The following ZNF140 variants were observed in gnomAD, a reference collection of about 807,000 sequenced individuals.
The protein encoded by ZNF140 is zinc finger protein 140, also known as zinc finger protein 140 (clone pHZ-39).
In ZNF140, 13 loss-of-function variants were observed where a neutral mutation model predicts 12.9. The observed-to-expected ratio is 1.01, with a 90% CI of 0.66 to 1.60. The LOEUF (loss-of-function observed/expected upper bound fraction) is 1.60. Ranked by LOEUF, ZNF140 falls within the 40% of genes most tolerant of loss-of-function variation. The pLI is 0.00. For synonymous variants in ZNF140, 214 were observed against 186.7 expected, an observed-to-expected ratio of 1.15 and a Z score of -1.19; for missense variants, 531 against 548.8, an observed-to-expected ratio of 0.97 and a Z score of 0.32.
intron 4 of ZNF140, among the ~76,000 whole-genome samples, chr12:133,089,678 A>G (rs1954791293): frequency 6.6e-6 from 1 of 152,188 alleles, no homozygotes; most frequent in Non-Finnish European, 1.5e-5. Flanking sequence ...TTTTATGCCC[A>G]TGAAATTTGT....
chr12:133,100,924 TAC>T (rs1332240225), intron 4 of ZNF140: 1 of 448,074 alleles, frequency 2.2e-6, no homozygotes, highest in African/African-American at 2.0e-5. Flanking sequence ...CAGAATGGTG[TAC>T]AGTTTAAACA....
At chr12:133,095,807 T>C (rs1422068297) in intron 4 of ZNF140, among the ~76,000 whole-genome samples, 1 of 152,012 alleles carries the variant, frequency 6.6e-6, no homozygotes. Context: ...TCCAGATTTA[T>C]GTTTCTCTCC....
intron 4 of ZNF140, 103 bp from the exon 5 acceptor site, chr12:133,105,407 A>C (rs1470491723): frequency 8.0e-7 from 1 of 1,257,358 alleles, no homozygotes; most frequent in African/African-American, 1.5e-5. Context: ...GCTATTGATA[A>C]GATTTTTTGA....
intron 4 of ZNF140, among the ~76,000 whole-genome samples, chr12:133,085,243 T>G (rs1954637683): frequency 6.6e-6 from 1 of 152,192 alleles, no homozygotes; most frequent in Non-Finnish European, 1.5e-5. Flanking sequence ...CAGGCTGGTC[T>G]CAAACTCCTA....
In ZNF140 at chr12:133,091,191, T is replaced by C. The variant is rs7962617; in HGVS notation, c.232+7630T>C. The stretch of plus-strand genomic sequence containing the variant: ...TCAGACTCTCACATTGGGAGAAACC[T>C]TGGACAATACCCTGCTTTCAAGGGC... On this transcript the variant is annotated intron_variant, in intron 4 of 4. Transcript: ENST00000355557. Among the ~76,000 whole-genome samples, 541 of 150,634 alleles carry C rather than the reference T, an allele frequency of 3.6e-3. 31 individuals are homozygous for C. The highest frequency in any genetic ancestry group is 0.013 in the African/African-American group (520 of 40,776).
In ZNF140 at chr12:133,100,160, G is replaced by GTTTT. The variant is rs58610589; in HGVS notation, c.233-5326_233-5323dup. On this transcript the variant is annotated intron_variant, in intron 4 of 4. Coordinates refer to ENST00000355557, the MANE Select transcript of ZNF140 (RefSeq NM_003440.4). ...CATCCAAAAATTTAATGCCTTTTCC[G>GTTTT]TTTTTTTTTTTTTTTTTTTTTTTTT... 5.7e-3 allele frequency among the ~76,000 whole-genome samples: 348 copies of GTTTT among 60,972 alleles called. 63 individuals carry two copies. Among genetic ancestry groups the GTTTT allele is most frequent in the African/African-American group, 0.026 (327 of 12,628 alleles). 40.0% of individuals were successfully genotyped at this position (60,972 alleles called of 152,430 possible).
chr12:133,102,956 GTTT>G (rs200385501), intron 4 of ZNF140, among the ~76,000 whole-genome samples: 1,887 of 150,014 alleles, frequency 0.013, 42 homozygotes, highest in African/African-American at 0.045. Context: ...TTTTGATTGT[GTTT>G]TTTACTCTCA....
chr12:133,083,440 G>T, intron 3 of ZNF140, 26 bp from the exon 4 acceptor site: 1 of 1,600,394 alleles, frequency 6.2e-7, no homozygotes, highest in Non-Finnish European at 8.5e-7. Context: ...GACTGATCTT[G>T]AATTTATTTC....
At chr12:133,099,856 T>G (rs1955271375) in intron 4 of ZNF140, among the ~76,000 whole-genome samples, 1 of 152,114 alleles carries the variant, frequency 6.6e-6, no homozygotes, top group South Asian at 2.1e-4. Flanking sequence ...TAAAAAAACT[T>G]TTATTTTTCT....
At position 133,106,841 on chromosome 12, in the gene ZNF140, ACT is replaced by A. The variant is rs1955618527; in HGVS notation, c.*193_*194del. On this transcript the variant is annotated 3_prime_UTR_variant, in exon 5 of 5. Transcript: ENST00000355557. ...ATATGTGGAAAAGCCATTAATAACC[ACT>A]CTTTTATTTTTTTGCAATAACAAGG... 1 of 454,666 alleles carries A rather than the reference ACT, an allele frequency of 2.2e-6. No individual in the cohort carries two copies. The highest frequency in any genetic ancestry group is 3.8e-6 in the Non-Finnish European group (1 of 263,768). The allele number at this position is 454,666 out of a possible 1,614,324, so 28.2% of individuals were successfully genotyped here.
rs1566326784 is a variant in ZNF140, at chr12:133,106,319, C to CA, written c.1043dup (p.Arg349GlufsTer10). On this transcript the variant is annotated frameshift_variant, in exon 5 of 5. Coordinates refer to ENST00000355557, the MANE Select transcript of ZNF140 (RefSeq NM_003440.4). LOFTEE classifies it low-confidence loss of function (END_TRUNC). Reference sequence around the variant, plus strand: ...TTGTCACTCATTCCTTATTAAACATCAGAGAATTCATGCTGGAGAAAAGCT... The same window carrying CA: ...TTGTCACTCATTCCTTATTAAACATCAAGAGAATTCATGCTGGAGAAAAGCT... The CA allele has an allele frequency of 6.2e-7, 1 of 1,614,158 alleles. No individual in the cohort carries two copies. Among genetic ancestry groups the CA allele is most frequent in the African/African-American group, 1.3e-5 (1 of 75,046 alleles).
intron 4 of ZNF140, among the ~76,000 whole-genome samples, chr12:133,102,582 A>C (rs917048979): frequency 2.0e-4 from 30 of 151,928 alleles, no homozygotes; most frequent in African/African-American, 6.5e-4. Flanking sequence ...TAAGTAAATA[A>C]ATAAATAAAA....
At chr12:133,094,461 C>A (rs1001977446) in intron 4 of ZNF140, among the ~76,000 whole-genome samples, 27 of 151,062 alleles carry the variant, frequency 1.8e-4, no homozygotes, top group Admixed American at 1.1e-3. Flanking sequence ...TTGGAGAGGC[C>A]CCATGGGTTG....
At position 133,105,707 on chromosome 12, in the gene ZNF140, C is replaced by T. The variant is rs1439085486; in HGVS notation, c.430C>T (p.His144Tyr). The T allele has an allele frequency of 9.9e-6, 16 of 1,614,058 alleles. No homozygotes were observed. In the South Asian group the frequency reaches 1.8e-4, roughly 18 times the overall value. Residue 144 changes from histidine (H) to tyrosine (Y), a missense_variant, in exon 5 of 5, where the codon CAT (histidine) becomes TAT (tyrosine). His to Tyr is a moderately conservative substitution (Grantham distance 83). Coordinates refer to ENST00000355557, the MANE Select transcript of ZNF140 (RefSeq NM_003440.4). ...QGCIRKVTVS[H>Y]QEALAQHMNI... ...ATGTATTAGGAAAGTAACAGTCTCTCATCAAGAAGCCCTGGCTCAACATAT... is the reference window on the plus strand; with the variant it reads ...ATGTATTAGGAAAGTAACAGTCTCTTATCAAGAAGCCCTGGCTCAACATAT...
intron 4 of ZNF140, among the ~76,000 whole-genome samples, chr12:133,087,616 A>G (rs78748547): frequency 0.13 from 19,931 of 152,066 alleles, 1,668 homozygotes; most frequent in South Asian, 0.22. Flanking sequence ...CAGACCAGCC[A>G]GAATTTGCAT....
chr12:133,096,009 T>G (rs928389407), intron 4 of ZNF140, among the ~76,000 whole-genome samples: 2 of 151,008 alleles, frequency 1.3e-5, no homozygotes, highest in African/African-American at 2.4e-5. Flanking sequence ...TGCAAGAGGC[T>G]TTCCTCTTTT....
chr12:133,093,446 T>C, intron 4 of ZNF140: 1 of 700,024 alleles, frequency 1.4e-6, no homozygotes, highest in East Asian at 2.7e-5. Flanking sequence ...TCAGCTTCTT[T>C]AGCTGGGCCC....
At chr12:133,100,542 C>T (rs374775247) in intron 4 of ZNF140, among the ~76,000 whole-genome samples, 104 of 152,208 alleles carry the variant, frequency 6.8e-4, no homozygotes, top group African/African-American at 3.1e-4. Flanking sequence ...GGTGCAACAG[C>T]GAAACTAGCT....
At chr12:133,097,884 T>A (rs2137551789) in intron 4 of ZNF140, among the ~76,000 whole-genome samples, 1 of 148,750 alleles carries the variant, frequency 6.7e-6, no homozygotes, top group South Asian at 2.1e-4. Context: ...TAGCCCAGAC[T>A]GGAGTGCAGT....
Sources: gnomAD v4.1 joint callset for allele counts (sites outside exome capture counted in the v4.1 genomes callset) on GRCh38, gnomAD v4.1.1 for gene constraint, MANE v1.5 for transcripts, NCBI Gene and HGNC (gene_info 2026-07-23, HGNC 2026-07-21) for gene names.